The following KRT74 variants were observed in gnomAD, a reference collection of about 807,000 sequenced individuals.
The protein encoded by KRT74 is keratin 74, also known as keratin, type II cytoskeletal 74.
Under a neutral mutation model 42.7 loss-of-function variants are expected in KRT74, and 43 were observed. That is an observed-to-expected ratio of 1.01 (90% confidence interval 0.79 to 1.30). KRT74 has a LOEUF of 1.30. KRT74 is among the 50% of genes most tolerant of loss of function. The pLI is 0.00. For missense variants in KRT74, 736 were observed against 689.1 expected (o/e 1.07, Z -0.76); for synonymous variants, 302 against 279.0 (o/e 1.08, Z -0.82).
chr12:52,573,225 A>G (rs1009382425), intron 1 of KRT74, 82 bp downstream of exon 1: 35 of 1,357,890 alleles, frequency 2.6e-5, no homozygotes, highest in South Asian at 9.3e-5. Context: ...CTTTCCAGCC[A>G]CAGTGTGCAG....
chr12:52,571,874 G>A, intron 3 of KRT74, 70 bp downstream of exon 3: 1 of 1,091,056 alleles, frequency 9.2e-7, no homozygotes, highest in Non-Finnish European at 1.4e-6. Context: ...CTCCTGGGCT[G>A]AAGTCCTGAG....
rs1939445892 is a variant in KRT74 at position 52,569,892 on chromosome 12, C to T, written c.1101G>A (p.Arg367=). ...TCACATTCCCGATCTCACACCGGATCCTCTGGATGAGCCGGTTCAGCTCCA... is the reference window on the plus strand; with the variant it reads ...TCACATTCCCGATCTCACACCGGATTCTCTGGATGAGCCGGTTCAGCTCCA... ...EMVELNRLIQ[R]IRCEIGNVKK... is the part of the protein sequence containing the mutation. The change falls in exon 6 of 9, where the codon AGG becomes AGA. Residue 367 remains arginine, a synonymous_variant. Transcript: ENST00000305620. The T allele has an allele frequency of 6.2e-7, 1 of 1,614,080 alleles. No homozygotes were observed. The highest frequency in any genetic ancestry group is 1.3e-5 in the African/African-American group (1 of 74,926).
In KRT74 at chr12:52,567,006, G is replaced by T. The variant is rs192063771; in HGVS notation, c.1553C>A (p.Thr518Asn). 23 of 1,608,348 alleles carry T rather than the reference G, an allele frequency of 1.4e-5. No individual in the cohort carries two copies. The Admixed American group carries it at 3.7e-4, about 26-fold the overall frequency. Residue 518 changes from threonine to asparagine, a missense_variant, in exon 9 of 9, where the codon ACC becomes AAC. Physicochemically the swap from Thr to Asn is moderately conservative, Grantham distance 65. Transcript: ENST00000305620. Reference protein sequence around the residue: ...GDLKDTQGKSTPASIPARKAT... With the variant: ...GDLKDTQGKSNPASIPARKAT... ...TTTCCTTGCTGGGATGCTGGCTGGG[G>T]TGCTCTTGCCCTGGGTGTCCTTGAG... is the stretch of plus-strand genomic sequence containing the variant.
intron 4 of KRT74, 61 bp from the exon 5 acceptor site, chr12:52,570,894 G>T: frequency 6.3e-7 from 1 of 1,595,498 alleles, no homozygotes; most frequent in Non-Finnish European, 8.6e-7. Flanking sequence ...TGCCCCATCA[G>T]TCTTCTGGGC....
rs1156562215 is a variant in KRT74 at position 52,566,058 on chromosome 12, G to T, written c.*911C>A. 1 of 152,136 alleles carries T rather than the reference G, an allele frequency of 6.6e-6. No homozygotes were observed. The allele number at this position is 152,136 out of a possible 1,614,324, so 9.4% of individuals were successfully genotyped here. A position where few individuals can be genotyped will look rare whatever the true frequency, so the allele number is the denominator to read the frequency against. On this transcript the variant is annotated 3_prime_UTR_variant, in exon 9 of 9. Transcript: ENST00000305620. ...TCACATACCCACAGTCCTGACAAAA[G>T]GCAATGTAATTACGCTGCCCTCATC...
At position 52,570,528 on chromosome 12, in the gene KRT74, ATTCCTTTT is replaced by A. The variant is rs796332226; in HGVS notation, c.1008+133_1008+140del. The A allele has an allele frequency of 7.1e-5, 61 of 853,858 alleles. No individual in the cohort carries two copies. The African/African-American group carries it at 8.9e-4, about 13-fold the overall frequency. The allele number at this position is 853,858 out of a possible 1,614,324, so 52.9% of individuals were successfully genotyped here. ...TCTTTGATAACAAGCTCTGCTAAGA[ATTCCTTTT>A]TTCCTTGAAGCCTTGGTTGGAACCT... On this transcript the variant is annotated intron_variant, in intron 5 of 8. Transcript: ENST00000305620.
In KRT74 at chr12:52,573,382, C is replaced by T; in HGVS notation, c.396G>A (p.Glu132=). ...LAPLNVELDP[E]IQKVRAQERE... ...GCTCCTGGGCGCGCACCTTCTGGAT[C>T]TCAGGGTCCAGCTCCACGTTGAGGG... The change falls in exon 1 of 9, where the codon GAG becomes GAA. Residue 132 remains glutamate, a synonymous_variant. Transcript: ENST00000305620. The T allele has an allele frequency of 1.2e-6, 2 of 1,614,236 alleles. No individual in the cohort carries two copies. Among genetic ancestry groups the T allele is most frequent in the Non-Finnish European group, 1.7e-6 (2 of 1,180,050 alleles).
chr12:52,567,101 G>C lies in KRT74; in HGVS notation c.1458C>G (p.Ser486Arg). The change falls in exon 9 of 9, where the codon AGC (serine) becomes AGG (arginine). Residue 486 changes from serine to arginine, a missense_variant. Physicochemically the swap from Ser to Arg is moderately radical, Grantham distance 110 (BLOSUM62 -1). Coordinates refer to ENST00000305620, the MANE Select transcript of KRT74 (RefSeq NM_175053.4). Reference protein sequence around the residue: ...PSSAGVDLGASAVAGSSGSTQ... With the variant: ...PSSAGVDLGARAVAGSSGSTQ... ...TGCTGCCAGAGCTGCCTGCCACAGC[G>C]CTGGCCCCAAGGTCAACACCCGCAG... 1 of 1,603,862 alleles carries C rather than the reference G, an allele frequency of 6.2e-7. No individual in the cohort carries two copies. Among genetic ancestry groups the C allele is most frequent in the African/African-American group, 1.3e-5 (1 of 74,854 alleles).
At chr12:52,571,531 C>T in intron 3 of KRT74, 77 bp from the exon 4 acceptor site, 2 of 1,024,502 alleles carry the variant, frequency 2.0e-6, no homozygotes, top group South Asian at 1.3e-5. Flanking sequence ...TGCCTCAAAG[C>T]CACCTGATTT....
At position 52,568,297 on chromosome 12, in the gene KRT74, G is replaced by A. The variant is rs200004454; in HGVS notation, c.1227C>T (p.Gly409=). 162 of 1,614,202 alleles carry A rather than the reference G, an allele frequency of 1.0e-4. No individual in the cohort carries two copies. In the South Asian group the frequency reaches 1.3e-3, roughly 13 times the overall value. The part of the protein sequence containing the change: ...DAQAKLDELE[G]ALHQAKEELA... ...GCTCCTCCTTGGCCTGGTGCAGGGC[G>A]CCCTCCAGCTCATCCAGCTTGGCCT... is the stretch of plus-strand genomic sequence containing the variant. The change falls in exon 7 of 9, where the codon GGC becomes GGT. Residue 409 remains glycine, a synonymous_variant. Coordinates refer to ENST00000305620, the MANE Select transcript of KRT74 (RefSeq NM_175053.4).
chr12:52,566,018 A>G lies in KRT74; in HGVS notation c.*951T>C, dbSNP rs952679189. On this transcript the variant is annotated 3_prime_UTR_variant, in exon 9 of 9. Transcript: ENST00000305620. The stretch of plus-strand genomic sequence containing the variant: ...CTATGTAGGACACAGCCCCAGAGAG[A>G]CTGTGGAAGACAAATCACATACCCA... 6.6e-6 allele frequency: 1 copy of G among 152,200 alleles called. No homozygotes were observed. Among genetic ancestry groups the G allele is most frequent in the Non-Finnish European group, 1.5e-5 (1 of 68,040 alleles). The allele number at this position is 152,200 out of a possible 1,614,324, so 9.4% of individuals were successfully genotyped here. A position where few individuals can be genotyped will look rare whatever the true frequency, so the allele number is the denominator to read the frequency against.
Position 52,568,560 on chromosome 12 carries a change from A to G in KRT74, c.1135-171T>C, listed in dbSNP as rs917852803. 3.1e-5 allele frequency: 22 copies of G among 698,614 alleles called. No individual in the cohort carries two copies. The African/African-American group carries it at 3.4e-4, about 11-fold the overall frequency. The allele number at this position is 698,614 out of a possible 1,614,324, so 43.3% of individuals were successfully genotyped here. ...CTTCTATTTTCTATTGCAGAGGAGTATTCAAAGCTGTTATCACATGAAGCT... is the reference window on the plus strand; with the variant it reads ...CTTCTATTTTCTATTGCAGAGGAGTGTTCAAAGCTGTTATCACATGAAGCT... On this transcript the variant is annotated intron_variant, in intron 6 of 8. Transcript: ENST00000305620.
In KRT74 at chr12:52,573,821, C is replaced by T. The variant is rs777756901; in HGVS notation, c.-44G>A. On this transcript the variant is annotated 5_prime_UTR_variant, in exon 1 of 9. Coordinates refer to ENST00000305620, the MANE Select transcript of KRT74 (RefSeq NM_175053.4). ...GACAGAGCTGGAGAAAAGCAGTCTC[C>T]AAGGGGTAGAGAACACACTGATGGG... The T allele has an allele frequency of 6.7e-7, 1 of 1,497,620 alleles. No homozygotes were observed. Among genetic ancestry groups the T allele is most frequent in the Non-Finnish European group, 9.3e-7 (1 of 1,077,030 alleles). The allele number at this position is 1,497,620 out of a possible 1,614,324, so 92.8% of individuals were successfully genotyped here. A position where few individuals can be genotyped will look rare whatever the true frequency, so the allele number is the denominator to read the frequency against.
At chr12:52,571,538 A>G in intron 3 of KRT74, 84 bp from the exon 4 acceptor site, 2 of 916,544 alleles carry the variant, frequency 2.2e-6, no homozygotes, top group Non-Finnish European at 3.6e-6. Flanking sequence ...AAGCCACCTG[A>G]TTTTCTATTT....
chr12:52,572,015 G>A lies in KRT74; in HGVS notation c.687-11C>T, dbSNP rs1306813207. ...ATCTCCACTTCATATCTGCCAGCAGGGAGAGTAGATGGCCTTAGCCCCCTT... is the reference window on the plus strand; with the variant it reads ...ATCTCCACTTCATATCTGCCAGCAGAGAGAGTAGATGGCCTTAGCCCCCTT... On this transcript the variant is annotated splice_polypyrimidine_tract_variant and intron_variant, in intron 2 of 8. Coordinates refer to ENST00000305620, the MANE Select transcript of KRT74 (RefSeq NM_175053.4). The A allele has an allele frequency of 6.3e-7, 1 of 1,583,222 alleles. No individual in the cohort carries two copies. Among genetic ancestry groups the A allele is most frequent in the East Asian group, 2.2e-5 (1 of 44,714 alleles).
In KRT74 at chr12:52,573,473, G is replaced by A; in HGVS notation, c.305C>T (p.Ala102Val). Residue 102 changes from alanine to valine, a missense_variant, in exon 1 of 9, where the codon GCA becomes GTA. Transcript: ENST00000305620. ...SMFGSVALGP[A>V]CLSVCPPGGI... ...CCCAGGTGGGCACACAGACAAACATGCAGGCCCCAGGGCCACACTGCCAAA... is the reference window on the plus strand; with the variant it reads ...CCCAGGTGGGCACACAGACAAACATACAGGCCCCAGGGCCACACTGCCAAA... 6.2e-7 allele frequency: 1 copy of A among 1,614,172 alleles called. No homozygotes were observed. Among genetic ancestry groups the A allele is most frequent in the Non-Finnish European group, 8.5e-7 (1 of 1,180,038 alleles).
intron 6 of KRT74, chr12:52,569,405 C>G (rs372155283): frequency 1.0e-4 from 51 of 501,302 alleles, no homozygotes; most frequent in African/African-American, 9.7e-4. Flanking sequence ...CCAACAGAGG[C>G]GCCTGATGCA....
chr12:52,568,487 T>C, intron 6 of KRT74, 98 bp from the exon 7 acceptor site: 1 of 1,321,062 alleles, frequency 7.6e-7, no homozygotes, highest in Non-Finnish European at 1.1e-6. Flanking sequence ...GATGGGGCCC[T>C]AGGTGACAAG....
At position 52,572,528 on chromosome 12, in the gene KRT74, G is replaced by A; in HGVS notation, c.611C>T (p.Thr204Ile). Residue 204 changes from threonine (T) to isoleucine (I), a missense_variant, in exon 2 of 9, where the codon ACA (threonine) becomes ATA (isoleucine). Transcript: ENST00000305620. ...YISNLRKQLE[T>I]LSGDRVRLDS... ...CAGCCTCACCCTGTCCCCAGACAGT[G>A]TCTCCAGCTGCTTCCGCAGGTTGCT... is the stretch of plus-strand genomic sequence containing the variant. 1 of 1,614,202 alleles carries A rather than the reference G, an allele frequency of 6.2e-7. No homozygotes were observed. Among genetic ancestry groups the A allele is most frequent in the East Asian group, 2.2e-5 (1 of 44,878 alleles).
Sources: gnomAD v4.1 joint callset for allele counts on GRCh38, gnomAD v4.1.1 for gene constraint, MANE v1.5 for transcripts, NCBI Gene and HGNC (gene_info 2026-07-23, HGNC 2026-07-21) for gene names.